Variants in CCDC149 observed in about 807,000 individuals in gnomAD.
CCDC149 encodes the protein coiled-coil domain containing 149.
Under a neutral mutation model 59.9 loss-of-function variants are expected in CCDC149, and 45 were observed. The observed-to-expected ratio is 0.75, with a 90% CI of 0.59 to 0.96. CCDC149 has a LOEUF of 0.96. Among genes scored for constraint, CCDC149 ranks in the 40% least tolerant of loss-of-function variants. The probability of loss-of-function intolerance (pLI) is 0.00; values close to 1 mark genes in which losing one functional copy is unlikely to be tolerated. For missense variants in CCDC149, 584 were observed against 664.7 expected, an observed-to-expected ratio of 0.88 and a Z score of 1.33; for synonymous variants, 245 against 260.6, an observed-to-expected ratio of 0.94 and a Z score of 0.58.
chr4:24,939,746 A>T lies in CCDC149; in HGVS notation c.-65+40323T>A, dbSNP rs1278907199. Among the ~76,000 whole-genome samples the T allele has an allele frequency of 5.9e-5, 9 of 152,242 alleles. No individual in the cohort carries two copies. The East Asian group carries it at 1.7e-3, about 29-fold the overall frequency. ...CCACAGCACGAGAACTACGCGACGA[A>T]CGCACAAGCCTCAGTAACCGATGCG... On this transcript the variant is annotated intron_variant, in intron 1 of 12. Transcript: ENST00000389609.
chr4:24,936,427 T>C (rs1262253438), intron 1 of CCDC149, among the ~76,000 whole-genome samples: 1 of 152,174 alleles, frequency 6.6e-6, no homozygotes, highest in Non-Finnish European at 1.5e-5. Context: ...ATTTTTTAAA[T>C]GTGTAATTGA....
At chr4:24,913,288 C>A (rs549790525), upstream of CCDC149, among the ~76,000 whole-genome samples, 60 of 152,274 alleles carry the variant, frequency 3.9e-4, no homozygotes, top group African/African-American at 1.4e-3. Context: ...GAAGCAAATC[C>A]CCAAATCCAG....
chr4:24,922,254 G>A (rs1722315858), intron 1 of CCDC149, among the ~76,000 whole-genome samples: 1 of 152,164 alleles, frequency 6.6e-6, no homozygotes, highest in South Asian at 2.1e-4. Flanking sequence ...TTTTCGATGA[G>A]ACATCCCCCA....
chr4:24,959,428 T>A (rs13106292), intron 1 of CCDC149, among the ~76,000 whole-genome samples: 1 of 151,714 alleles, frequency 6.6e-6, no homozygotes, highest in African/African-American at 2.4e-5. Flanking sequence ...ACTTGGCGTG[T>A]TTGGTAACCT....
upstream of CCDC149, chr4:24,980,186 G>A (rs932198164): frequency 6.6e-6 from 1 of 152,140 alleles, no homozygotes; most frequent in Admixed American, 6.5e-5. Flanking sequence ...GTACGCAATC[G>A]CGGATTCACC....
At chr4:24,890,609 TCTTGC>T (rs1423382888) in intron 1 of CCDC149, among the ~76,000 whole-genome samples, 5 of 152,220 alleles carry the variant, frequency 3.3e-5, no homozygotes, top group South Asian at 4.1e-4. Context: ...TGTTGGCAGA[TCTTGC>T]CTTCTGAAAA....
At chr4:24,851,435 CTT>C (rs1192490168) in intron 4 of CCDC149, among the ~76,000 whole-genome samples, 4 of 152,162 alleles carry the variant, frequency 2.6e-5, no homozygotes, top group East Asian at 1.9e-4. Flanking sequence ...GCTGCTCTCT[CTT>C]TGTTTCCATG....
At chr4:24,948,309 A>G (rs1271196325) in intron 1 of CCDC149, among the ~76,000 whole-genome samples, 2 of 152,218 alleles carry the variant, frequency 1.3e-5, no homozygotes, top group Non-Finnish European at 2.9e-5. Flanking sequence ...TTCTACCTCA[A>G]TCTCCACCCT....
intron 1 of CCDC149, among the ~76,000 whole-genome samples, chr4:24,897,456 CAG>C (rs1332504533): frequency 6.6e-6 from 1 of 152,086 alleles, no homozygotes; most frequent in Non-Finnish European, 1.5e-5. Context: ...GGGTCACAGT[CAG>C]AGTTTTGCTT....
At chr4:24,978,962 G>A (rs986706349) in intron 1 of CCDC149, among the ~76,000 whole-genome samples, 6 of 145,088 alleles carry the variant, frequency 4.1e-5, no homozygotes, top group African/African-American at 1.7e-4. Context: ...TTCTTACCCT[G>A]AGTTACCCCG....
intron 4 of CCDC149, among the ~76,000 whole-genome samples, chr4:24,849,073 G>A (rs538765842): frequency 2.6e-4 from 39 of 152,134 alleles, no homozygotes; most frequent in Admixed American, 8.5e-4. Context: ...TAAATTCTCC[G>A]AGACCCCTTT....
At chr4:24,975,326 A>G (rs1368824972) in intron 1 of CCDC149, among the ~76,000 whole-genome samples, 1 of 148,662 alleles carries the variant, frequency 6.7e-6, no homozygotes, top group Non-Finnish European at 1.5e-5. Flanking sequence ...AGGCAAGACA[A>G]AAGGAGAAGG....
At chr4:24,859,153 GT>G in intron 3 of CCDC149, among the ~76,000 whole-genome samples, 1 of 152,300 alleles carries the variant, frequency 6.6e-6, no homozygotes, top group Middle Eastern at 3.4e-3. Flanking sequence ...AGAAACTGTA[GT>G]TTGAGTACAT....
chr4:24,831,667 A>G lies in CCDC149; in HGVS notation c.821-17T>C, dbSNP rs376091714. On this transcript the variant is annotated splice_polypyrimidine_tract_variant and intron_variant, in intron 8 of 12. Transcript: ENST00000635206. ...GATCCTGAACTAGATAGGATACAAA[A>G]TGTATAACTCAGTCGTCATTCTTCT... 8.1e-6 allele frequency: 13 copies of G among 1,609,656 alleles called. No individual in the cohort carries two copies. The African/African-American group carries it at 1.3e-4, about 17-fold the overall frequency.
At chr4:24,915,257 A>G (rs1722093173), upstream of CCDC149, among the ~76,000 whole-genome samples, 1 of 148,282 alleles carries the variant, frequency 6.7e-6, no homozygotes, top group Non-Finnish European at 1.5e-5. Flanking sequence ...CCCTCTGGCA[A>G]ACCATCTGTT....
intron 10 of CCDC149, among the ~76,000 whole-genome samples, 183 bp downstream of exon 10, chr4:24,822,314 C>T (rs1401308543): frequency 6.6e-6 from 1 of 152,040 alleles, no homozygotes; most frequent in Non-Finnish European, 1.5e-5. Flanking sequence ...TCTACCCCCA[C>T]CCTGCCATGT....
intron 4 of CCDC149, among the ~76,000 whole-genome samples, chr4:24,848,634 T>C (rs781778561): frequency 2.4e-4 from 36 of 152,214 alleles, no homozygotes; most frequent in Non-Finnish European, 3.7e-4. Context: ...GCAGTGATGC[T>C]GGCAACTTGG....
Position 24,967,644 on chromosome 4 carries a change from T to C in CCDC149, c.-65+12425A>G, listed in dbSNP as rs73804926. Among the ~76,000 whole-genome samples, 848 of 150,662 alleles carry C rather than the reference T, an allele frequency of 5.6e-3. 6 individuals are homozygous for C. The highest frequency in any genetic ancestry group is 0.02 in the African/African-American group (815 of 40,926). On this transcript the variant is annotated intron_variant, in intron 1 of 12. Coordinates refer to the CCDC149 transcript ENST00000389609. ...CAGGGCTATGTGCATAGCCCCACCA[T>C]ATGTCATGATCTAGTTGCCACAGAC...
chr4:24,840,891 T>C (rs1382086362), intron 4 of CCDC149, among the ~76,000 whole-genome samples: 4 of 152,322 alleles, frequency 2.6e-5, no homozygotes, highest in African/African-American at 7.2e-5. Flanking sequence ...TTGACAAAAA[T>C]GTTGTGACCA....
Sources: allele counts gnomAD v4.1 joint callset (sites outside exome capture counted in the v4.1 genomes callset), GRCh38; gene constraint gnomAD v4.1.1; transcripts MANE v1.5; gene names NCBI Gene and HGNC (gene_info 2026-07-23, HGNC 2026-07-21).